RRM2: variants seen among roughly 807,000 people sequenced by gnomAD.
The protein encoded by RRM2 is ribonucleoside-diphosphate reductase subunit M2.
RRM2 carries 6 observed loss-of-function variants against 45.9 expected under a neutral mutation model. The ratio of observed to expected loss-of-function variants is 0.13; its 90% CI spans 0.07 to 0.26. The LOEUF is 0.26. Among genes scored for constraint, RRM2 ranks in the 10% least tolerant of loss-of-function variants. The pLI is 1.00. For missense variants in RRM2, 343 were observed against 489.5 expected (o/e 0.70, Z 2.82); for synonymous variants, 177 against 173.0 (o/e 1.02, Z -0.18).
exon 4 of RRM2, chr2:10,210,823 G>A: frequency 2.8e-6 from 1 of 358,568 alleles, no homozygotes. Context: ...AGGTGGTTAG[G>A]CCGTGAGGGT....
chr2:10,151,295 ATTTT>A (rs1197139714), intron 3 of RRM2, among the ~76,000 whole-genome samples: 2 of 111,978 alleles, frequency 1.8e-5, no homozygotes, highest in Non-Finnish European at 1.8e-5. Flanking sequence ...CTGCATGTAG[ATTTT>A]TTTTTTTTTT....
intron 8 of RRM2, 43 bp from the exon 9 acceptor site, chr2:10,128,998 C>T (rs1263662165): frequency 5.0e-6 from 8 of 1,608,406 alleles, no homozygotes; most frequent in Non-Finnish European, 6.8e-6. Flanking sequence ...CTAGAAAATG[C>T]CTGTGCTTTA....
At chr2:10,177,735 CTCTT>C (rs1365271878) in intron 3 of RRM2, among the ~76,000 whole-genome samples, 12 of 139,392 alleles carry the variant, frequency 8.6e-5, no homozygotes, top group East Asian at 7.1e-4. Flanking sequence ...CCCTCTCTCT[CTCTT>C]TCTTTCTTTC....
At chr2:10,188,367 G>C (rs114430494) in intron 3 of RRM2, among the ~76,000 whole-genome samples, 59 of 152,318 alleles carry the variant, frequency 3.9e-4, no homozygotes, top group African/African-American at 1.4e-3. Context: ...TTCTAGTGGG[G>C]CCTCTCTTCC....
rs963313910 is a variant in RRM2 at position 10,171,632 on chromosome 2, C to T, written n.482+29257C>T. On this transcript the variant is annotated intron_variant and non_coding_transcript_variant, in intron 3 of 3. Coordinates refer to the RRM2 transcript ENST00000381786. The surrounding 1 kb of genome is among the most constrained non-coding windows in gnomAD (Gnocchi z 4.1). ...AGGGTGATCTGGGAGCAGCAGCAGC[C>T]GCTGTCCTGAGCATCTGGGTCAGGA... Among the ~76,000 whole-genome samples the T allele has an allele frequency of 5.9e-5, 9 of 152,228 alleles. No individual in the cohort carries two copies. Among genetic ancestry groups the T allele is most frequent in the Admixed American group, 2.0e-4 (3 of 15,284 alleles).
Position 10,171,824 on chromosome 2 carries a change from T to G in RRM2, n.482+29449T>G, listed in dbSNP as rs1470741342. 1.3e-5 allele frequency among the ~76,000 whole-genome samples: 2 copies of G among 152,212 alleles called. No individual in the cohort carries two copies. The highest frequency in any genetic ancestry group is 2.9e-5 in the Non-Finnish European group (2 of 68,028). On this transcript the variant is annotated intron_variant and non_coding_transcript_variant, in intron 3 of 3. Transcript: ENST00000381786. The surrounding 1 kb of genome is among the most constrained non-coding windows in gnomAD (Gnocchi z 4.1). ...TAAAAAATATTGAGTGTCAGTTATG[T>G]GTCAGGCACTGTTCTGGACACGAGG...
At position 10,141,693 on chromosome 2, in the gene RRM2, G is replaced by A. The variant is rs1183438412; in HGVS notation, n.260+52G>A. 11 of 1,044,136 alleles carry A rather than the reference G, an allele frequency of 1.1e-5. No homozygotes were observed. In the Admixed American group the frequency reaches 2.8e-4, roughly 27 times the overall value. 64.7% of individuals were successfully genotyped at this position (1,044,136 alleles called of 1,614,324 possible). The stretch of plus-strand genomic sequence containing the variant: ...GGCAGGAAGGAGGGCAAGAGACCTC[G>A]ACCTGTTCTTGGGAAGGAAAGAGCA... On this transcript the variant is annotated intron_variant and non_coding_transcript_variant, in intron 1 of 3. Transcript: ENST00000381786.
rs1662794449 is a variant in RRM2 at position 10,127,041 on chromosome 2, T to C, written c.665-46T>C. The C allele has an allele frequency of 6.2e-7, 1 of 1,611,652 alleles. No individual in the cohort carries two copies. The highest frequency in any genetic ancestry group is 1.7e-5 in the Admixed American group (1 of 59,914). On this transcript the variant is annotated intron_variant, in intron 6 of 9. Transcript: ENST00000304567. The surrounding 1 kb of genome is among the most constrained non-coding windows in gnomAD (Gnocchi z 4.1). ...GTAATGTTACTGGATTTTTGGCCCT[T>C]GAATACCAACTCACTAGAATCATGT...
At chr2:10,166,321 C>T (rs999077052) in intron 3 of RRM2, among the ~76,000 whole-genome samples, 11 of 152,224 alleles carry the variant, frequency 7.2e-5, no homozygotes, top group African/African-American at 2.7e-4. Flanking sequence ...CGGGGGCCCA[C>T]AGCCCTTCTC....
chr2:10,181,683 C>T (rs934782854), intron 3 of RRM2, among the ~76,000 whole-genome samples: 11 of 149,732 alleles, frequency 7.3e-5, no homozygotes, highest in African/African-American at 7.4e-5. Context: ...AAATATTTTC[C>T]GATTTTCCTG....
chr2:10,125,763 C>T (rs1054977424), intron 5 of RRM2, among the ~76,000 whole-genome samples: 12 of 152,064 alleles, frequency 7.9e-5, no homozygotes, highest in Admixed American at 6.6e-4. Context: ...CTAAAGTAGC[C>T]GTTGTAGACT....
Position 10,122,896 on chromosome 2 carries a change from C to G in RRM2, c.98C>G (p.Thr33Arg), listed in dbSNP as rs1465242631. The G allele has an allele frequency of 1.3e-6, 2 of 1,582,042 alleles. No individual in the cohort carries two copies. Among genetic ancestry groups the G allele is most frequent in the Non-Finnish European group, 1.7e-6 (2 of 1,166,500 alleles). Residue 33 changes from threonine to arginine, a missense_variant and splice_region_variant, in exon 1 of 10, where the codon ACG becomes AGG. Physicochemically the swap from Thr to Arg is moderately conservative, Grantham distance 71. Around this residue, in one of 2 missense-constraint regions of RRM2, gnomAD observed 131 missense variants for 121.4 expected, o/e 1.08. Transcript: ENST00000304567. ...CTCAGCTTGGTCGACAAGGAGAACA[C>G]GGTGAGCCCGCGGGGAGGGCGCTGC... is the stretch of plus-strand genomic sequence containing the variant. Reference protein sequence around the residue: ...KGLSLVDKENTPPALSGTRVL... With the variant: ...KGLSLVDKENRPPALSGTRVL...
At chr2:10,170,403 C>T (rs752087085) in intron 3 of RRM2, among the ~76,000 whole-genome samples, 6 of 152,046 alleles carry the variant, frequency 3.9e-5, no homozygotes, top group Admixed American at 6.6e-5. Flanking sequence ...TGAAATCAGA[C>T]GGTCCCTGGC....
intron 3 of RRM2, among the ~76,000 whole-genome samples, chr2:10,164,371 G>A (rs1220772954): frequency 4.6e-5 from 7 of 152,142 alleles, no homozygotes; most frequent in Non-Finnish European, 1.0e-4. Context: ...TGTGTGGACG[G>A]CTTAATACAC....
At chr2:10,151,104 C>T (rs373428068) in intron 3 of RRM2, among the ~76,000 whole-genome samples, 7 of 152,190 alleles carry the variant, frequency 4.6e-5, no homozygotes, top group Admixed American at 1.3e-4. Flanking sequence ...TGCGCCACCA[C>T]GCCTGGCCTA....
At chr2:10,142,026 T>C (rs993272043) in intron 2 of RRM2, 25 of 1,584,322 alleles carry the variant, frequency 1.6e-5, no homozygotes, top group Non-Finnish European at 2.1e-5. Flanking sequence ...CCCCTTGCTC[T>C]TTCATGTGGG....
chr2:10,207,003 A>G (rs946937542), intron 3 of RRM2, among the ~76,000 whole-genome samples: 1 of 152,200 alleles, frequency 6.6e-6, no homozygotes, highest in African/African-American at 2.4e-5. Flanking sequence ...TTCAGGAAGA[A>G]GGAAAGAGGT....
intron 3 of RRM2, among the ~76,000 whole-genome samples, chr2:10,180,836 G>A (rs1432210763): frequency 3.3e-5 from 5 of 152,032 alleles, no homozygotes. Flanking sequence ...GCATGATTAT[G>A]GCTCACTGCA....
In RRM2 at chr2:10,126,661, A is replaced by G. The variant is rs1284997272; in HGVS notation, c.570-214A>G. The stretch of plus-strand genomic sequence containing the variant: ...TGAACTACAGAATACCCAAACTTGT[A>G]TTAATGTAAATCAAGTGTTGAGGTT... On this transcript the variant is annotated intron_variant, in intron 5 of 9. Coordinates refer to ENST00000304567, the MANE Select transcript of RRM2 (RefSeq NM_001034.4). The G allele has an allele frequency of 1.2e-5, 7 of 568,676 alleles. No homozygotes were observed. In the South Asian group the frequency reaches 1.6e-4, roughly 13 times the overall value. The allele number at this position is 568,676 out of a possible 1,614,324, so 35.2% of individuals were successfully genotyped here.
Sources: gnomAD v4.1 joint callset for allele counts (sites outside exome capture counted in the v4.1 genomes callset) on GRCh38, gnomAD v4.1.1 for gene constraint, gnomAD v4.1.1 regional missense constraint, Gnocchi (gnomAD v3.1) non-coding constraint, MANE v1.5 for transcripts, NCBI Gene and HGNC (gene_info 2026-07-23, HGNC 2026-07-21) for gene names.